SERGEF: variants seen among roughly 807,000 people sequenced by gnomAD.
SERGEF encodes the protein secretion-regulating guanine nucleotide exchange factor.
A neutral mutation model predicts 50.0 loss-of-function variants in SERGEF; 51 were observed. The ratio of observed to expected loss-of-function variants is 1.02; its 90% confidence interval spans 0.81 to 1.29. The LOEUF (loss-of-function observed/expected upper bound fraction) is 1.29, where lower values mean the gene tolerates loss of function less well. Among genes scored for constraint, SERGEF ranks in the 50% most tolerant of loss-of-function variants. The pLI is 0.00. For missense variants in SERGEF, 521 were observed against 557.0 expected, an observed-to-expected ratio of 0.94 and a Z score of 0.65; for synonymous variants, 205 against 212.4, an observed-to-expected ratio of 0.97 and a Z score of 0.30.
chr11:17,886,437 C>G (rs1851430836), intron 9 of SERGEF, among the ~76,000 whole-genome samples: 1 of 151,970 alleles, frequency 6.6e-6, no homozygotes, highest in Non-Finnish European at 1.5e-5. Context: ...TGGCGAAACC[C>G]TGTCTCTACA....
chr11:17,920,161 C>T (rs557217397), intron 9 of SERGEF, among the ~76,000 whole-genome samples: 1 of 152,106 alleles, frequency 6.6e-6, no homozygotes, highest in South Asian at 2.1e-4. Context: ...GCAGGAGAAT[C>T]GCTTGAACCC....
chr11:17,826,171 T>C (rs1193164386), intron 10 of SERGEF, among the ~76,000 whole-genome samples: 3 of 152,240 alleles, frequency 2.0e-5, no homozygotes, highest in Non-Finnish European at 4.4e-5. Flanking sequence ...AATTATATCA[T>C]TTAATCTTCA....
At chr11:17,803,099 C>T (rs1487443685) in intron 10 of SERGEF, among the ~76,000 whole-genome samples, 1 of 152,262 alleles carries the variant, frequency 6.6e-6, no homozygotes, top group Admixed American at 6.5e-5. Context: ...AGACCATCTA[C>T]TGGGATCACC....
intron 9 of SERGEF, among the ~76,000 whole-genome samples, chr11:17,900,619 CGGA>C (rs1268683405): frequency 6.6e-6 from 1 of 152,134 alleles, no homozygotes; most frequent in Non-Finnish European, 1.5e-5. Flanking sequence ...AGGGGATTAG[CGGA>C]GAAGTACAAC....
intron 10 of SERGEF, among the ~76,000 whole-genome samples, chr11:17,822,320 G>A (rs915437508): frequency 3.9e-5 from 6 of 152,112 alleles, no homozygotes; most frequent in Non-Finnish European, 5.9e-5. Flanking sequence ...TATCACAGGC[G>A]ATACTAAATT....
intron 9 of SERGEF, among the ~76,000 whole-genome samples, chr11:17,955,621 C>G (rs1852851055): frequency 6.6e-6 from 1 of 152,170 alleles, no homozygotes; most frequent in African/African-American, 2.4e-5. Flanking sequence ...ACTGCAAGTT[C>G]TGGGAAGACC....
intron 10 of SERGEF, among the ~76,000 whole-genome samples, chr11:17,862,584 A>C (rs1261873395): frequency 6.6e-6 from 1 of 152,224 alleles, no homozygotes; most frequent in Non-Finnish European, 1.5e-5. Flanking sequence ...TCTACATTTA[A>C]GGGCTTTAGG....
chr11:17,853,041 G>A (rs1850742206), intron 10 of SERGEF, among the ~76,000 whole-genome samples: 1 of 152,116 alleles, frequency 6.6e-6, no homozygotes, highest in Non-Finnish European at 1.5e-5. Context: ...TGGAACTGTG[G>A]GCTCAGGAAC....
intron 1 of SERGEF, 87 bp from the exon 2 acceptor site, chr11:18,008,163 C>T (rs1368072314): frequency 4.4e-6 from 6 of 1,371,866 alleles, no homozygotes; most frequent in South Asian, 2.9e-5. Context: ...CTCACCCTGA[C>T]GTATCTCTCA....
At chr11:17,886,564 C>T (rs763183316) in intron 9 of SERGEF, among the ~76,000 whole-genome samples, 6 of 151,802 alleles carry the variant, frequency 4.0e-5, no homozygotes, top group African/African-American at 1.5e-4. Context: ...TGCAGTGAAC[C>T]GAGATCATAC....
intron 9 of SERGEF, among the ~76,000 whole-genome samples, chr11:17,890,491 G>A (rs112476684): frequency 9.2e-5 from 14 of 152,196 alleles, no homozygotes; most frequent in African/African-American, 2.2e-4. Flanking sequence ...TTTTTCTCAC[G>A]TTTTCTCTCA....
At chr11:17,953,038 G>A (rs1281634546) in intron 9 of SERGEF, among the ~76,000 whole-genome samples, 1 of 151,978 alleles carries the variant, frequency 6.6e-6, no homozygotes, top group Non-Finnish European at 1.5e-5. Flanking sequence ...TCCAATTCAG[G>A]AAGGCTTTCC....
chr11:17,828,115 G>A (rs1016624189), intron 10 of SERGEF, among the ~76,000 whole-genome samples: 2 of 152,148 alleles, frequency 1.3e-5, no homozygotes, highest in African/African-American at 2.4e-5. Flanking sequence ...GAGATACCCC[G>A]TATCTACTGT....
chr11:17,845,262 T>G (rs1330856542), intron 10 of SERGEF, among the ~76,000 whole-genome samples: 2 of 152,218 alleles, frequency 1.3e-5, no homozygotes, highest in Non-Finnish European at 2.9e-5. Context: ...AAAGTTAAAT[T>G]TGATTTACCT....
At position 17,988,772 on chromosome 11, in the gene SERGEF, G is replaced by A. The variant is rs545751742; in HGVS notation, c.686-17C>T. The A allele has an allele frequency of 5.6e-6, 9 of 1,608,178 alleles. No homozygotes were observed. The highest frequency in any genetic ancestry group is 6.8e-6 in the Non-Finnish European group (8 of 1,176,302). ...CTCCTGCATCTTAAACAAACAGAAG[G>A]GTAACAAAAGAGGTGAGGGAACATT... On this transcript the variant is annotated splice_polypyrimidine_tract_variant and intron_variant, in intron 7 of 10. Transcript: ENST00000265965.
intron 3 of SERGEF, 114 bp downstream of exon 3, chr11:18,006,477 T>C (rs1472357274): frequency 3.7e-6 from 4 of 1,070,206 alleles, no homozygotes; most frequent in Admixed American, 2.6e-5. Flanking sequence ...CACCAGGCCT[T>C]ATGTGTGCTT....
At chr11:17,974,962 A>C (rs1853338803) in intron 8 of SERGEF, among the ~76,000 whole-genome samples, 1 of 152,236 alleles carries the variant, frequency 6.6e-6, no homozygotes, top group African/African-American at 2.4e-5. Flanking sequence ...CAGAAGAGAA[A>C]CTAATGGCTA....
At chr11:17,925,971 T>A (rs1198059158) in intron 9 of SERGEF, among the ~76,000 whole-genome samples, 2 of 152,196 alleles carry the variant, frequency 1.3e-5, no homozygotes, top group Non-Finnish European at 2.9e-5. Flanking sequence ...GGGGAAACAA[T>A]ATATTTTGAA....
intron 9 of SERGEF, among the ~76,000 whole-genome samples, chr11:17,956,042 C>T (rs1027089133): frequency 3.3e-5 from 5 of 152,148 alleles, no homozygotes; most frequent in Non-Finnish European, 7.4e-5. Context: ...TACTACCCAC[C>T]CTGGAATTTT....
Sources: allele counts gnomAD v4.1 joint callset (sites outside exome capture counted in the v4.1 genomes callset), GRCh38; gene constraint gnomAD v4.1.1; transcripts MANE v1.5; gene names NCBI Gene and HGNC (gene_info 2026-07-23, HGNC 2026-07-21).